The following MCF2L2 variants were observed in gnomAD, a reference collection of about 807,000 sequenced individuals.
MCF2L2 encodes probable guanine nucleotide exchange factor MCF2L2.
A neutral mutation model predicts 150.2 loss-of-function variants in MCF2L2; 102 were observed. The ratio of observed to expected loss-of-function variants is 0.68; its 90% CI spans 0.58 to 0.80. MCF2L2 has a LOEUF of 0.80. Among genes scored for constraint, MCF2L2 ranks in the 30% least tolerant of loss-of-function variants. MCF2L2 has a pLI of 0.00. For synonymous variants in MCF2L2, 465 were observed against 491.3 expected, an observed-to-expected ratio of 0.95 and a Z score of 0.71; for missense variants, 1,256 against 1,372.8, an observed-to-expected ratio of 0.91 and a Z score of 1.34.
chr3:183,361,112 A>AAAGAAAAT (rs368179237), intron 3 of MCF2L2, among the ~76,000 whole-genome samples: 8 of 86,328 alleles, frequency 9.3e-5, no homozygotes, highest in African/African-American at 5.8e-4. Flanking sequence ...CAAGAAAAGA[A>AAAGAAAAT]AAAAGAAAAA....
In MCF2L2 at chr3:183,252,956, C is replaced by T. The variant is rs976851583; in HGVS notation, c.1863-21939G>A. Among the ~76,000 whole-genome samples, 26 of 152,314 alleles carry T rather than the reference C, an allele frequency of 1.7e-4. 1 individual carries two copies. The highest frequency in any genetic ancestry group is 4.6e-4 in the African/African-American group (19 of 41,578). On this transcript the variant is annotated intron_variant, in intron 15 of 29. Coordinates refer to ENST00000328913, the MANE Select transcript of MCF2L2 (RefSeq NM_015078.4). ...CGCATCTCTCGATATTGTCTGGTTA[C>T]CTGCATGAAGTATTCTAAAGGAGGA... is the stretch of plus-strand genomic sequence containing the variant.
chr3:183,390,305 T>C (rs1714070487), intron 1 of MCF2L2, among the ~76,000 whole-genome samples: 2 of 152,178 alleles, frequency 1.3e-5, no homozygotes, highest in Non-Finnish European at 1.5e-5. Context: ...CAGAATACTT[T>C]AAGGGGCCTC....
chr3:183,361,118 A>ACAAGACAAG (rs1560040381), intron 3 of MCF2L2, among the ~76,000 whole-genome samples: 1 of 147,722 alleles, frequency 6.8e-6, no homozygotes, highest in African/African-American at 2.7e-5. Flanking sequence ...AAGAAAAAAG[A>ACAAGACAAG]AAAAGAAAAG....
rs558344543 is a variant in MCF2L2 at position 183,420,852 on chromosome 3, C to A, written c.76+7050G>T. On this transcript the variant is annotated intron_variant, in intron 1 of 29. Coordinates refer to ENST00000328913, the MANE Select transcript of MCF2L2 (RefSeq NM_015078.4). ...AAAAGAATAGCCTGGGGAAAAACCACTCCCATTATCCAATCACCCCCCACC... is the reference window on the plus strand; with the variant it reads ...AAAAGAATAGCCTGGGGAAAAACCAATCCCATTATCCAATCACCCCCCACC... 4.7e-4 allele frequency among the ~76,000 whole-genome samples: 71 copies of A among 152,342 alleles called. 2 individuals carry two copies. In the South Asian group the frequency reaches 0.014, roughly 30 times the overall value.
intron 1 of MCF2L2, among the ~76,000 whole-genome samples, chr3:183,393,421 G>C (rs1445047861): frequency 6.6e-6 from 1 of 152,010 alleles, no homozygotes; most frequent in Non-Finnish European, 1.5e-5. Context: ...TCCAACTTCC[G>C]ACCTCAGGTG....
At chr3:183,369,717 TG>T (rs200567160) in intron 3 of MCF2L2, among the ~76,000 whole-genome samples, 4,606 of 152,272 alleles carry the variant, frequency 0.03, 219 homozygotes, top group African/African-American at 0.1. Flanking sequence ...GAACTCTTTA[TG>T]AGAAATAAAG....
intron 10 of MCF2L2, among the ~76,000 whole-genome samples, chr3:183,303,011 G>A (rs144394599): frequency 2.0e-5 from 3 of 151,964 alleles, no homozygotes; most frequent in Non-Finnish European, 2.9e-5. Flanking sequence ...TGGCTAACAC[G>A]GTGAAACCCC....
rs895704394 is a variant in MCF2L2, at chr3:183,230,808, CTGG to C, written c.1929+140_1929+142del. 4.8e-6 allele frequency: 3 copies of C among 620,070 alleles called. No homozygotes were observed. The African/African-American group carries it at 5.6e-5, about 11-fold the overall frequency. The allele number at this position is 620,070 out of a possible 1,614,324, so 38.4% of individuals were successfully genotyped here. On this transcript the variant is annotated intron_variant, in intron 16 of 29. Coordinates refer to ENST00000328913, the MANE Select transcript of MCF2L2 (RefSeq NM_015078.4). ...AACCACAGGGATGTTCTTATTCCTA[CTGG>C]AGACACTTGTAATATTCTAAGACCT...
At chr3:183,271,944 A>T (rs370898980) in intron 15 of MCF2L2, 2 of 180,180 alleles carry the variant, frequency 1.1e-5, no homozygotes, top group African/African-American at 4.8e-5. Flanking sequence ...ACTCCTCCCC[A>T]ACAAGGTCTT....
intron 13 of MCF2L2, among the ~76,000 whole-genome samples, chr3:183,289,653 C>T (rs1429987343): frequency 6.6e-6 from 1 of 152,084 alleles, no homozygotes; most frequent in Non-Finnish European, 1.5e-5. Flanking sequence ...GTCAGGAGTT[C>T]GAGACCAGCC....
At chr3:183,304,688 G>A (rs1232959317) in intron 10 of MCF2L2, among the ~76,000 whole-genome samples, 1 of 151,118 alleles carries the variant, frequency 6.6e-6, no homozygotes, top group Non-Finnish European at 1.5e-5. Context: ...TGCCCAGGCT[G>A]GTCTCGAACT....
At chr3:183,384,952 A>G (rs2108593474) in intron 2 of MCF2L2, among the ~76,000 whole-genome samples, 1 of 152,318 alleles carries the variant, frequency 6.6e-6, no homozygotes, top group Admixed American at 6.5e-5. Context: ...TCAGTCAAAC[A>G]TGACTGAGAA....
intron 15 of MCF2L2, among the ~76,000 whole-genome samples, chr3:183,248,126 G>A (rs1027704978): frequency 2.6e-5 from 4 of 152,106 alleles, no homozygotes; most frequent in Non-Finnish European, 5.9e-5. Flanking sequence ...TTTCCCAAGA[G>A]GGTTTACTTA....
At chr3:183,212,961 G>A (rs1376324452) in intron 22 of MCF2L2, among the ~76,000 whole-genome samples, 3 of 128,536 alleles carry the variant, frequency 2.3e-5, no homozygotes, top group Admixed American at 1.6e-4. Flanking sequence ...GGGGGTGGGG[G>A]GGGTGGGGGG....
intron 15 of MCF2L2, among the ~76,000 whole-genome samples, chr3:183,246,420 T>C (rs183347459): frequency 1.4e-4 from 21 of 152,358 alleles, no homozygotes; most frequent in Non-Finnish European, 2.6e-4. Context: ...AGGTGTCTCA[T>C]ATAAGTGGAA....
At chr3:183,382,196 T>C (rs1298612381) in intron 2 of MCF2L2, among the ~76,000 whole-genome samples, 2 of 152,154 alleles carry the variant, frequency 1.3e-5, no homozygotes, top group East Asian at 3.9e-4. Flanking sequence ...GTAGCTGGGA[T>C]TACAGGCACA....
chr3:183,278,250 GAT>G (rs1303757166), intron 14 of MCF2L2, among the ~76,000 whole-genome samples: 1 of 149,322 alleles, frequency 6.7e-6, no homozygotes, highest in African/African-American at 2.5e-5. Flanking sequence ...AAAAATAAAA[GAT>G]ATCTCATCAG....
intron 13 of MCF2L2, among the ~76,000 whole-genome samples, chr3:183,294,599 ATGTG>A (rs766214507): frequency 0.018 from 2,387 of 132,256 alleles, 46 homozygotes; most frequent in East Asian, 0.056. Flanking sequence ...ATATATGTGT[ATGTG>A]TGTGTGTGTG....
intron 27 of MCF2L2, among the ~76,000 whole-genome samples, chr3:183,185,063 G>C (rs189749634): frequency 6.6e-6 from 1 of 152,082 alleles, no homozygotes; most frequent in Non-Finnish European, 1.5e-5. Flanking sequence ...GACTACAGGC[G>C]CATGCCACCA....
Sources: gnomAD v4.1 joint callset for allele counts (sites outside exome capture counted in the v4.1 genomes callset) on GRCh38, gnomAD v4.1.1 for gene constraint, MANE v1.5 for transcripts, NCBI Gene and HGNC (gene_info 2026-07-23, HGNC 2026-07-21) for gene names.